Variants in HSPA13 observed in about 807,000 individuals in gnomAD.
HSPA13 encodes the protein heat shock protein family A (Hsp70) member 13.
In HSPA13, 29 loss-of-function variants were observed where a neutral mutation model predicts 38.8. The observed-to-expected ratio is 0.75, with a 90% CI of 0.56 to 1.02. The LOEUF is 1.02. Among genes scored for constraint, HSPA13 ranks in the 50% least tolerant of loss-of-function variants. HSPA13 has a pLI of 0.00. For missense variants in HSPA13, 451 were observed against 560.9 expected (o/e 0.80, Z 1.98); for synonymous variants, 192 against 205.3 (o/e 0.94, Z 0.56).
chr21:14,381,354 G>A lies in HSPA13; in HGVS notation c.215C>T (p.Ser72Phe). The A allele has an allele frequency of 6.2e-7, 1 of 1,614,126 alleles. No individual in the cohort carries two copies. Among genetic ancestry groups the A allele is most frequent in the Non-Finnish European group, 8.5e-7 (1 of 1,180,018 alleles). The change falls in exon 2 of 5, where the codon TCT becomes TTT. Residue 72 changes from serine to phenylalanine, a missense_variant. By Grantham distance (155) the Ser-to-Phe change is radical. Coordinates refer to ENST00000285667, the MANE Select transcript of HSPA13 (RefSeq NM_006948.5). ...NGHISIPSMV[S>F]FTDNDVYVGY... ...CACATATACATCATTGTCAGTAAAA[G>A]ACACCATGCTGGGTATGCTGATATG... is the stretch of plus-strand genomic sequence containing the variant.
At chr21:14,376,708 C>T (rs1165846895) in intron 3 of HSPA13, among the ~76,000 whole-genome samples, 1 of 152,226 alleles carries the variant, frequency 6.6e-6, no homozygotes, top group African/African-American at 2.4e-5. Context: ...TTCCTATCCT[C>T]TATGTACCAG....
rs1263855547 is a variant in HSPA13, at chr21:14,371,997, T to A, written c.*1620A>T. On this transcript the variant is annotated 3_prime_UTR_variant, in exon 5 of 5. Coordinates refer to ENST00000285667, the MANE Select transcript of HSPA13 (RefSeq NM_006948.5). Reference sequence around the variant, plus strand: ...TTTATACTTTTCTATCTACCTACTATACATATTTTCTATACACAAAAGTAT... The same window carrying A: ...TTTATACTTTTCTATCTACCTACTAAACATATTTTCTATACACAAAAGTAT... 1 of 152,524 alleles carries A rather than the reference T, an allele frequency of 6.6e-6. No homozygotes were observed. Among genetic ancestry groups the A allele is most frequent in the African/African-American group, 2.4e-5 (1 of 41,450 alleles). 9.4% of individuals were successfully genotyped at this position (152,524 alleles called of 1,614,324 possible).
Position 14,374,051 on chromosome 21 carries a change from G to T in HSPA13, c.982C>A (p.Leu328Met), listed in dbSNP as rs183788378. Residue 328 changes from leucine (L) to methionine (M), a missense_variant, in exon 5 of 5, where the codon CTG becomes ATG. Physicochemically the swap from Leu to Met is conservative, Grantham distance 15. Coordinates refer to ENST00000285667, the MANE Select transcript of HSPA13 (RefSeq NM_006948.5). ...RKEPHSSDTE[L>M]PKDKLSSADD... ...GCTGAGGAAAGTTTGTCTTTTGGCAGTTCAGTGTCACTACTGTGAGGTTCC... is the reference window on the plus strand; with the variant it reads ...GCTGAGGAAAGTTTGTCTTTTGGCATTTCAGTGTCACTACTGTGAGGTTCC... 6.2e-7 allele frequency: 1 copy of T among 1,614,100 alleles called. No individual in the cohort carries two copies. Among genetic ancestry groups the T allele is most frequent in the South Asian group, 1.1e-5 (1 of 91,092 alleles).
chr21:14,371,425 TCA>T lies in HSPA13; in HGVS notation c.*2190_*2191del, dbSNP rs532474516. On this transcript the variant is annotated 3_prime_UTR_variant, in exon 5 of 5. Transcript: ENST00000285667. ...TATTAATTTTTTTTATGAAAAGACTTCAGATTGTTATTCATAAATGATCCCTT... is the reference window on the plus strand; with the variant it reads ...TATTAATTTTTTTTATGAAAAGACTTGATTGTTATTCATAAATGATCCCTT... 2 of 152,210 alleles carry T rather than the reference TCA, an allele frequency of 1.3e-5. No individual in the cohort carries two copies. The highest frequency in any genetic ancestry group is 2.9e-5 in the Non-Finnish European group (2 of 67,988). 9.4% of individuals were successfully genotyped at this position (152,210 alleles called of 1,614,324 possible).
At position 14,381,494 on chromosome 21, in the gene HSPA13, A is replaced by C. The variant is rs1427816535; in HGVS notation, c.75T>G (p.Tyr25Ter). ...TCACTTTAGGAGTAGGCAATGGTAA[A>C]TACTGTTGTGCCAAATAGCCGGCCA... ...LLLAGYLAQQ[Y>*]LPLPTPKVIG... The change falls in exon 2 of 5, where the codon TAT becomes TAG. Residue 25 changes from tyrosine to a stop codon, truncating the protein, a stop_gained. Transcript: ENST00000285667. LOFTEE classifies it high-confidence loss of function. 6.2e-7 allele frequency: 1 copy of C among 1,609,802 alleles called. No homozygotes were observed. The highest frequency in any genetic ancestry group is 8.5e-7 in the Non-Finnish European group (1 of 1,176,318).
rs75471693 is a variant in HSPA13, at chr21:14,381,661, A to C, written c.26-118T>G. ...AACAAGGCTAAAAAAGACAAATTTCAAAATTTTTTATAGGACTGCTGATAG... is the reference window on the plus strand; with the variant it reads ...AACAAGGCTAAAAAAGACAAATTTCCAAATTTTTTATAGGACTGCTGATAG... On this transcript the variant is annotated intron_variant, in intron 1 of 4. Coordinates refer to ENST00000285667, the MANE Select transcript of HSPA13 (RefSeq NM_006948.5). 8,300 of 869,598 alleles carry C rather than the reference A, an allele frequency of 9.5e-3. 60 individuals carry two copies. Among genetic ancestry groups the C allele is most frequent in the Non-Finnish European group, 0.011 (6,711 of 606,066 alleles). The allele number at this position is 869,598 out of a possible 1,614,324, so 53.9% of individuals were successfully genotyped here. A position where few individuals can be genotyped will look rare whatever the true frequency, so the allele number is the denominator to read the frequency against.
In HSPA13 at chr21:14,378,248, T is replaced by A. The variant is rs578204429; in HGVS notation, c.531A>T (p.Glu177Asp). ...VANAVISVPA[E>D]FDLKQRNSTI... Reference sequence around the variant, plus strand: ...TTGAATTTCTCTGTTTTAGATCAAATTCTGCTGGTACAGAAATGACAGCAT... The same window carrying A: ...TTGAATTTCTCTGTTTTAGATCAAAATCTGCTGGTACAGAAATGACAGCAT... The change falls in exon 3 of 5, where the codon GAA (glutamate) becomes GAT (aspartate). Residue 177 changes from glutamate (E) to aspartate (D), a missense_variant. Transcript: ENST00000285667. The A allele has an allele frequency of 1.2e-6, 2 of 1,614,200 alleles. No homozygotes were observed. The highest frequency in any genetic ancestry group is 2.2e-5 in the South Asian group (2 of 91,084).
rs200169118 is a variant in HSPA13, at chr21:14,383,080, C to T, written c.25+15G>A. 1.2e-6 allele frequency: 2 copies of T among 1,613,942 alleles called. No homozygotes were observed. The highest frequency in any genetic ancestry group is 1.7e-5 in the Admixed American group (1 of 60,016). On this transcript the variant is annotated intron_variant, in intron 1 of 4. Transcript: ENST00000285667. Reference sequence around the variant, plus strand: ...TCTACGCCCGCAAGAGCAACAAGGACCCCCGGGAACCCACCTAAGATCGTC... The same window carrying T: ...TCTACGCCCGCAAGAGCAACAAGGATCCCCGGGAACCCACCTAAGATCGTC...
rs560899509 is a variant in HSPA13 at position 14,381,033 on chromosome 21, T to C, written c.366+170A>G. Among the ~76,000 whole-genome samples the C allele has an allele frequency of 7.9e-5, 12 of 152,334 alleles. No homozygotes were observed. In the East Asian group the frequency reaches 2.1e-3, roughly 27 times the overall value. On this transcript the variant is annotated intron_variant, in intron 2 of 4. Coordinates refer to ENST00000285667, the MANE Select transcript of HSPA13 (RefSeq NM_006948.5). ...GTACCTGTTAGCATTATGGAGTCAG[T>C]GATTAACTGATCCTATAGCTGCTGT...
At chr21:14,380,692 T>G (rs1005167185) in intron 2 of HSPA13, among the ~76,000 whole-genome samples, 1 of 152,138 alleles carries the variant, frequency 6.6e-6, no homozygotes, top group African/African-American at 2.4e-5. Flanking sequence ...TAAGTAAGGA[T>G]ATTACCGGAA....
chr21:14,380,242 T>G (rs1444308726), intron 2 of HSPA13, among the ~76,000 whole-genome samples: 1 of 149,694 alleles, frequency 6.7e-6, no homozygotes, highest in East Asian at 2.0e-4. Flanking sequence ...AATCAAAAAT[T>G]TAAAACTTTG....
In HSPA13 at chr21:14,374,108, C is replaced by A. The variant is rs1269183619; in HGVS notation, c.925G>T (p.Val309Leu). The change falls in exon 5 of 5, where the codon GTA (valine) becomes TTA (leucine). Residue 309 changes from valine to leucine, a missense_variant. By Grantham distance (32) the Val-to-Leu change is conservative (BLOSUM62 1). Coordinates refer to ENST00000285667, the MANE Select transcript of HSPA13 (RefSeq NM_006948.5). ...TCCTGCTCCTCCACCGTTAGTAATA[C>A]TGACAACTGAGCAGATTGATGAAGA... ...LTLHQSAQLS[V>L]LLTVEEQDRK... 2 of 1,614,152 alleles carry A rather than the reference C, an allele frequency of 1.2e-6. No homozygotes were observed. Among genetic ancestry groups the A allele is most frequent in the Non-Finnish European group, 1.7e-6 (2 of 1,180,024 alleles).
rs1984165260 is a variant in HSPA13 at position 14,381,401 on chromosome 21, C to CT, written c.167dup (p.Val57GlyfsTer5). Reference sequence around the variant, plus strand: ...TATGCCCATTTTCATCTGGAATCACCTTTACTTTTCCTGTGCCAGGAAAAA... The same window carrying CT: ...TATGCCCATTTTCATCTGGAATCACCTTTTACTTTTCCTGTGCCAGGAAAAA... On this transcript the variant is annotated frameshift_variant, in exon 2 of 5. Transcript: ENST00000285667. LOFTEE classifies it high-confidence loss of function. The CT allele has an allele frequency of 6.2e-7, 1 of 1,613,996 alleles. No individual in the cohort carries two copies. The highest frequency in any genetic ancestry group is 8.5e-7 in the Non-Finnish European group (1 of 1,180,018).
intron 3 of HSPA13, among the ~76,000 whole-genome samples, chr21:14,376,999 G>C (rs564542636): frequency 2.4e-4 from 36 of 152,294 alleles, no homozygotes; most frequent in Non-Finnish European, 4.4e-4. Context: ...TTTACCTCCA[G>C]AAGAAATCTG....
rs1300359303 is a variant in HSPA13, at chr21:14,374,254, T to C, written c.779A>G (p.Asn260Ser). The C allele has an allele frequency of 8.1e-6, 13 of 1,610,004 alleles. No individual in the cohort carries two copies. Among genetic ancestry groups the C allele is most frequent in the East Asian group, 2.2e-5 (1 of 44,870 alleles). ...ATATAAGTACTGAAGCAATCTCTGATTGAAGTCCTGTCCTCCAAGTTTATT... is the reference window on the plus strand; with the variant it reads ...ATATAAGTACTGAAGCAATCTCTGACTGAAGTCCTGTCCTCCAAGTTTATT... ...GNNKLGGQDFNQRLLQYLYKQ... is the reference protein window; with the variant it reads ...GNNKLGGQDFSQRLLQYLYKQ... Residue 260 changes from asparagine (N) to serine (S), a missense_variant, in exon 5 of 5, where the codon AAT becomes AGT. Coordinates refer to ENST00000285667, the MANE Select transcript of HSPA13 (RefSeq NM_006948.5).
intron 4 of HSPA13, among the ~76,000 whole-genome samples, chr21:14,374,808 A>C (rs965674789): frequency 2.6e-5 from 4 of 152,234 alleles, no homozygotes; most frequent in Non-Finnish European, 5.9e-5. Context: ...AGTGCTTCTT[A>C]TAATGAAAAA....
intron 2 of HSPA13, among the ~76,000 whole-genome samples, chr21:14,379,621 G>C (rs1160018754): frequency 6.6e-6 from 1 of 152,078 alleles, no homozygotes; most frequent in East Asian, 1.9e-4. Context: ...GGCATATATA[G>C]CTTTAGATGA....
Position 14,374,246 on chromosome 21 carries a change from A to G in HSPA13, c.787T>C (p.Leu263=). The G allele has an allele frequency of 6.2e-7, 1 of 1,610,998 alleles. No homozygotes were observed. The highest frequency in any genetic ancestry group is 8.5e-7 in the Non-Finnish European group (1 of 1,179,538). ...ATCTGTTTATATAAGTACTGAAGCA[A>G]TCTCTGATTGAAGTCCTGTCCTCCA... ...KLGGQDFNQR[L]LQYLYKQIYQ... is the part of the protein sequence containing the mutation. Residue 263 remains leucine (L), a synonymous_variant, in exon 5 of 5, where the codon TTG becomes CTG. Coordinates refer to ENST00000285667, the MANE Select transcript of HSPA13 (RefSeq NM_006948.5).
chr21:14,375,491 A>ATTTTTTTTT (rs34202425), intron 4 of HSPA13, among the ~76,000 whole-genome samples, 161 bp downstream of exon 4: 1 of 128,596 alleles, frequency 7.8e-6, no homozygotes, highest in Non-Finnish European at 1.6e-5. Flanking sequence ...TTTTTCTGTA[A>ATTTTTTTTT]TTTTTTTTTT....
Sources: allele counts gnomAD v4.1 joint callset (sites outside exome capture counted in the v4.1 genomes callset), GRCh38; gene constraint gnomAD v4.1.1; transcripts MANE v1.5; gene names NCBI Gene and HGNC (gene_info 2026-07-23, HGNC 2026-07-21).